CNTRL: variants seen among roughly 807,000 people sequenced by gnomAD.
The protein encoded by CNTRL is centriolin.
A neutral mutation model predicts 303.7 loss-of-function variants in CNTRL; 233 were observed. The observed-to-expected ratio is 0.77, with a 90% CI of 0.69 to 0.86. CNTRL has a LOEUF of 0.86. CNTRL is among the 40% of genes least tolerant of loss of function. CNTRL has a pLI of 0.00. For synonymous variants in CNTRL, 900 were observed against 922.2 expected (o/e 0.98, Z 0.44); for missense variants, 2,524 against 2,650.6 (o/e 0.95, Z 1.05).
At chr9:121,137,522 T>A (rs982924026) in intron 15 of CNTRL, among the ~76,000 whole-genome samples, 2 of 152,186 alleles carry the variant, frequency 1.3e-5, no homozygotes, top group Admixed American at 6.5e-5. Flanking sequence ...AAATAATTCA[T>A]ATGGTTAGAA....
intron 14 of CNTRL, among the ~76,000 whole-genome samples, chr9:121,129,177 G>C (rs2050711670): frequency 6.6e-6 from 1 of 152,186 alleles, no homozygotes; most frequent in Non-Finnish European, 1.5e-5. Context: ...ACTCTGTGAA[G>C]AAAGTCATTG....
chr9:121,158,449 C>T (rs1228161427), intron 30 of CNTRL: 2 of 222,372 alleles, frequency 9.0e-6, no homozygotes, highest in Non-Finnish European at 1.7e-5. Context: ...GCATGGTCTT[C>T]TTTTTTTTTT....
intron 7 of CNTRL, 74 bp from the exon 8 acceptor site, chr9:121,107,728 G>A: frequency 1.0e-6 from 1 of 967,450 alleles, no homozygotes; most frequent in African/African-American, 1.7e-5. Flanking sequence ...TTTCACTATT[G>A]TTTGAGAAAT....
intron 7 of CNTRL, among the ~76,000 whole-genome samples, chr9:121,099,843 A>T (rs1199944730): frequency 6.6e-6 from 1 of 152,266 alleles, no homozygotes; most frequent in Non-Finnish European, 1.5e-5. Flanking sequence ...ATGAAGCCAG[A>T]AGAGAAGTTT....
intron 5 of CNTRL, among the ~76,000 whole-genome samples, chr9:121,095,244 T>C (rs1348673091): frequency 6.6e-6 from 1 of 152,216 alleles, no homozygotes; most frequent in East Asian, 1.9e-4. Flanking sequence ...ATCAAAGAGA[T>C]ATATTTTTGA....
chr9:121,124,121 T>C (rs781247376), intron 13 of CNTRL, 37 bp downstream of exon 13: 2 of 1,536,764 alleles, frequency 1.3e-6, no homozygotes, highest in Non-Finnish European at 8.8e-7. Context: ...AAATCAGTGT[T>C]ATTGCTGGTA....
chr9:121,151,970 TTTTTC>T (rs1182881305), intron 25 of CNTRL: 7 of 154,668 alleles, frequency 4.5e-5, no homozygotes, highest in African/African-American at 1.7e-4. Flanking sequence ...CTATTCAGCA[TTTTTC>T]TATAATCTCT....
In CNTRL at chr9:121,088,374, A is replaced by T; in HGVS notation, c.48A>T (p.Pro16=). 6.2e-7 allele frequency: 1 copy of T among 1,613,786 alleles called. No individual in the cohort carries two copies. Among genetic ancestry groups the T allele is most frequent in the South Asian group, 1.1e-5 (1 of 91,068 alleles). ...AAATATTCTCCAAAGCAAAGATACC[A>T]TCATCATCTCACTCTCCTATCCCAT... ...QQKIFSKAKI[P]SSSHSPIPSS... The change falls in exon 3 of 44, where the codon CCA becomes CCT. Residue 16 remains proline (P), a synonymous_variant. Coordinates refer to ENST00000373855, the MANE Select transcript of CNTRL (RefSeq NM_007018.6).
At chr9:121,090,679 A>G (rs1489356113) in intron 4 of CNTRL, among the ~76,000 whole-genome samples, 1 of 152,192 alleles carries the variant, frequency 6.6e-6, no homozygotes. Flanking sequence ...GTAAAGTTTT[A>G]TTGGAACACA....
rs1178156868 is a variant in CNTRL at position 121,171,446 on chromosome 9, G to A, written c.6315G>A (p.Met2105Ile). 2 of 1,613,988 alleles carry A rather than the reference G, an allele frequency of 1.2e-6. No homozygotes were observed. Among genetic ancestry groups the A allele is most frequent in the African/African-American group, 1.3e-5 (1 of 74,918 alleles). ...KQENSCIQKEMATIELVAQDN... is the reference protein window; with the variant it reads ...KQENSCIQKEIATIELVAQDN... Reference sequence around the variant, plus strand: ...AGAACAGCTGCATACAAAAGGAAATGGCAACAATTGAACTGGTAGCCCAGG... The same window carrying A: ...AGAACAGCTGCATACAAAAGGAAATAGCAACAATTGAACTGGTAGCCCAGG... The change falls in exon 40 of 44, where the codon ATG becomes ATA. Residue 2105 changes from methionine (M) to isoleucine (I), a missense_variant. Met to Ile is a conservative substitution (Grantham distance 10). Coordinates refer to ENST00000373855, the MANE Select transcript of CNTRL (RefSeq NM_007018.6).
intron 31 of CNTRL, among the ~76,000 whole-genome samples, chr9:121,159,640 G>A (rs190064696): frequency 3.3e-5 from 5 of 151,366 alleles, no homozygotes; most frequent in Admixed American, 1.3e-4. Context: ...AGCCGAGATC[G>A]TGCCACTGCA....
At chr9:121,140,861 T>G in intron 17 of CNTRL, 75 bp downstream of exon 17, 1 of 1,389,444 alleles carries the variant, frequency 7.2e-7, no homozygotes, top group East Asian at 2.4e-5. Flanking sequence ...GGTTCAATGA[T>G]AAACTCACCT....
At chr9:121,118,602 G>A (rs576714003) in intron 12 of CNTRL, 62 bp downstream of exon 12, 17 of 1,333,068 alleles carry the variant, frequency 1.3e-5, no homozygotes, top group Non-Finnish European at 1.7e-5. Context: ...ATCATTGTTA[G>A]CATCAGAGTC....
chr9:121,118,652 A>C, intron 12 of CNTRL, 112 bp downstream of exon 12: 2 of 840,082 alleles, frequency 2.4e-6, no homozygotes, highest in South Asian at 4.9e-5. Flanking sequence ...TTGATGTACA[A>C]ATTTAAGTGA....
rs1253309511 is a variant in CNTRL, at chr9:121,125,696, C to T, written c.1805-20C>T. On this transcript the variant is annotated intron_variant, in intron 13 of 43. Transcript: ENST00000373855. ...GTACTTTAAAAAGATATATTATTAC[C>T]CTTTTTGCATCTTGCTTAGGCCAGA... 1 of 1,599,670 alleles carries T rather than the reference C, an allele frequency of 6.3e-7. No individual in the cohort carries two copies. Among genetic ancestry groups the T allele is most frequent in the South Asian group, 1.1e-5 (1 of 90,462 alleles).
Position 121,157,799 on chromosome 9 carries a change from T to C in CNTRL, c.4556T>C (p.Leu1519Ser), listed in dbSNP as rs1489567667. The change falls in exon 29 of 44, where the codon TTG becomes TCG. Residue 1519 changes from leucine (L) to serine (S), a missense_variant. By Grantham distance (145) the Leu-to-Ser change is moderately radical. Coordinates refer to ENST00000373855, the MANE Select transcript of CNTRL (RefSeq NM_007018.6). Reference protein sequence around the residue: ...EQHKIKQEEILKEINKIVAAK... With the variant: ...EQHKIKQEEISKEINKIVAAK... The stretch of plus-strand genomic sequence containing the variant: ...CACAAAATCAAGCAAGAAGAAATCT[T>C]GAAAGAAATAAACAAAATTGTAGCA... The C allele has an allele frequency of 6.2e-7, 1 of 1,614,054 alleles. No individual in the cohort carries two copies. Among genetic ancestry groups the C allele is most frequent in the East Asian group, 2.2e-5 (1 of 44,900 alleles).
rs756673362 is a variant in CNTRL at position 121,125,915 on chromosome 9, G to C, written c.2004G>C (p.Met668Ile). 4 of 1,614,108 alleles carry C rather than the reference G, an allele frequency of 2.5e-6. No homozygotes were observed. The Admixed American group carries it at 6.7e-5, about 27-fold the overall frequency. Residue 668 changes from methionine to isoleucine, a missense_variant, in exon 14 of 44, where the codon ATG becomes ATC. Transcript: ENST00000373855. ...GAGACCAGCTGGAAATAGTTGCCAT[G>C]GATGCAGAAAATATGAGGAAGGTAT... The part of the protein sequence containing the change: ...QERDQLEIVA[M>I]DAENMRKELA...
At position 121,098,584 on chromosome 9, in the gene CNTRL, T is replaced by G. The variant is rs780084959; in HGVS notation, c.808+12T>G. On this transcript the variant is annotated intron_variant, in intron 7 of 43. Coordinates refer to ENST00000373855, the MANE Select transcript of CNTRL (RefSeq NM_007018.6). ...GAGATTCAGTTTAGGTAAGATTAAA[T>G]TTAAAAAATAATAAATTTGGGTGAG... 1 of 1,536,248 alleles carries G rather than the reference T, an allele frequency of 6.5e-7. No individual in the cohort carries two copies. Among genetic ancestry groups the G allele is most frequent in the Admixed American group, 2.2e-5 (1 of 46,366 alleles).
intron 35 of CNTRL, 97 bp from the exon 36 acceptor site, chr9:121,166,010 G>A: frequency 1.1e-6 from 1 of 886,920 alleles, no homozygotes; most frequent in Non-Finnish European, 1.8e-6. Flanking sequence ...ACAGGAGTAA[G>A]CTTAAAACAA....
Sources: allele counts gnomAD v4.1 joint callset (sites outside exome capture counted in the v4.1 genomes callset), GRCh38; gene constraint gnomAD v4.1.1; transcripts MANE v1.5; gene names NCBI Gene and HGNC (gene_info 2026-07-23, HGNC 2026-07-21).